PAWR: variants seen among roughly 807,000 people sequenced by gnomAD.
PAWR encodes PRKC apoptosis WT1 regulator protein.
In PAWR, 23 loss-of-function variants were observed where a neutral mutation model predicts 32.0. The ratio of observed to expected loss-of-function variants is 0.72; its 90% CI spans 0.52 to 1.02. The LOEUF (loss-of-function observed/expected upper bound fraction) is 1.02. Among genes scored for constraint, PAWR ranks in the 50% least tolerant of loss-of-function variants. PAWR has a pLI of 0.00. For missense variants in PAWR, 457 were observed against 437.7 expected (o/e 1.04, Z -0.39); for synonymous variants, 226 against 187.1 (o/e 1.21, Z -1.70).
chr12:79,689,630 G>A (rs918197952), intron 2 of PAWR, 99 bp downstream of exon 2: 3 of 1,323,310 alleles, frequency 2.3e-6, no homozygotes, highest in African/African-American at 3.0e-5. Context: ...ACGAGCCAGG[G>A]GAGGTAAACT....
chr12:79,657,766 C>T (rs1175829833), intron 2 of PAWR, among the ~76,000 whole-genome samples: 1 of 151,814 alleles, frequency 6.6e-6, no homozygotes, highest in Non-Finnish European at 1.5e-5. Context: ...TGCACCCCAG[C>T]CTGGGCCACA....
At chr12:79,669,504 C>T (rs1175214740) in intron 2 of PAWR, among the ~76,000 whole-genome samples, 2 of 151,936 alleles carry the variant, frequency 1.3e-5, no homozygotes, top group African/African-American at 4.8e-5. Flanking sequence ...AAAAAAACTC[C>T]TCTTCTAATA....
chr12:79,645,036 C>CCACACACACACACACACA lies in PAWR; in HGVS notation c.517-23847_517-23830dup, dbSNP rs60664351. On this transcript the variant is annotated intron_variant, in intron 2 of 6. Transcript: ENST00000328827. Reference sequence around the variant, plus strand: ...AAGAATCATGCTCCCTCCACCCCCACCACACACACACACACACACACACAC... The same window carrying CCACACACACACACACACA: ...AAGAATCATGCTCCCTCCACCCCCACCACACACACACACACACACACACACACACACACACACACACAC... 1.0e-3 allele frequency among the ~76,000 whole-genome samples: 120 copies of CCACACACACACACACACA among 120,000 alleles called. 1 individual carries two copies. The highest frequency in any genetic ancestry group is 8.6e-3 in the Middle Eastern group (2 of 232). The allele number at this position is 120,000 out of a possible 152,430, so 78.7% of individuals were successfully genotyped here. A position where few individuals can be genotyped will look rare whatever the true frequency, so the allele number is the denominator to read the frequency against.
chr12:79,606,110 A>G (rs1407714759), intron 4 of PAWR, among the ~76,000 whole-genome samples: 1 of 152,120 alleles, frequency 6.6e-6, no homozygotes, highest in Non-Finnish European at 1.5e-5. Flanking sequence ...CAAGAAAGCC[A>G]TATACTATAT....
chr12:79,616,499 T>C (rs191590695), intron 3 of PAWR, among the ~76,000 whole-genome samples: 191 of 152,266 alleles, frequency 1.3e-3, no homozygotes, highest in African/African-American at 4.3e-3. Context: ...ATGGTAAAAC[T>C]TAGAGTAATA....
chr12:79,647,320 T>A (rs747515615), intron 2 of PAWR, among the ~76,000 whole-genome samples: 1 of 152,224 alleles, frequency 6.6e-6, no homozygotes, highest in Non-Finnish European at 1.5e-5. Flanking sequence ...AATGTGATTC[T>A]GGAAACTTTA....
intron 3 of PAWR, 73 bp downstream of exon 3, chr12:79,621,003 A>T: frequency 9.1e-7 from 1 of 1,101,130 alleles, no homozygotes; most frequent in Admixed American, 2.2e-5. Context: ...ATTACTACAT[A>T]CAACTCAAGA....
intron 2 of PAWR, among the ~76,000 whole-genome samples, chr12:79,657,036 A>G (rs765048060): frequency 3.3e-5 from 5 of 152,204 alleles, no homozygotes; most frequent in Non-Finnish European, 5.9e-5. Flanking sequence ...TCTTACGCAC[A>G]TGAGGAAATA....
chr12:79,685,923 C>G (rs1878659855), intron 2 of PAWR, among the ~76,000 whole-genome samples: 2 of 152,122 alleles, frequency 1.3e-5, no homozygotes, highest in South Asian at 4.1e-4. Flanking sequence ...AAATATTGCT[C>G]TATCAGTTAC....
At chr12:79,632,344 TATATATATA>T (rs1875726941) in intron 2 of PAWR, among the ~76,000 whole-genome samples, 2 of 63,988 alleles carry the variant, frequency 3.1e-5, no homozygotes, top group African/African-American at 1.8e-4. Context: ...TATATATATA[TATATATATA>T]TATATATATT....
At chr12:79,607,329 A>AT (rs1180078949) in intron 4 of PAWR, among the ~76,000 whole-genome samples, 1 of 152,088 alleles carries the variant, frequency 6.6e-6, no homozygotes, top group Non-Finnish European at 1.5e-5. Context: ...AAAGGAACAG[A>AT]TTTCTTTAGA....
At chr12:79,596,815 C>G (rs1292044168) in intron 4 of PAWR, 157 bp from the exon 5 acceptor site, 1 of 518,360 alleles carries the variant, frequency 1.9e-6, no homozygotes, top group African/African-American at 2.0e-5. Flanking sequence ...ATTATTCCCA[C>G]ACAATGAAAA....
At chr12:79,678,534 G>C (rs1041245669) in intron 2 of PAWR, among the ~76,000 whole-genome samples, 5 of 152,220 alleles carry the variant, frequency 3.3e-5, no homozygotes, top group Admixed American at 6.5e-5. Context: ...TGGCCTTTGG[G>C]CAAGTCATAA....
chr12:79,596,732 G>T, intron 4 of PAWR, 74 bp from the exon 5 acceptor site: 3 of 991,140 alleles, frequency 3.0e-6, no homozygotes, highest in Non-Finnish European at 4.3e-6. Flanking sequence ...TTTCTATTGA[G>T]CTTAAAAAAA....
Position 79,589,390 on chromosome 12 carries a change from A to G in PAWR, c.*3217T>C, listed in dbSNP as rs1409325954. The G allele has an allele frequency of 6.6e-6, 1 of 152,120 alleles. No individual in the cohort carries two copies. The highest frequency in any genetic ancestry group is 1.5e-5 in the Non-Finnish European group (1 of 67,980). 9.4% of individuals were successfully genotyped at this position (152,120 alleles called of 1,614,324 possible). On this transcript the variant is annotated 3_prime_UTR_variant, in exon 7 of 7. Coordinates refer to ENST00000328827, the MANE Select transcript of PAWR (RefSeq NM_002583.4). ...ATTATAAAATCCAGATTAATCCAAAAAACACAAACCACATGTAACCGAGGT... is the reference window on the plus strand; with the variant it reads ...ATTATAAAATCCAGATTAATCCAAAGAACACAAACCACATGTAACCGAGGT...
intron 2 of PAWR, among the ~76,000 whole-genome samples, chr12:79,662,212 A>AAAAAAAAAAAAAAAAAAAT: frequency 6.6e-6 from 1 of 151,426 alleles, no homozygotes; most frequent in African/African-American, 2.4e-5. Context: ...AAAAAAAAAA[A>AAAAAAAAAAAAAAAAAAAT]AAAAAAAAAA....
intron 2 of PAWR, among the ~76,000 whole-genome samples, chr12:79,650,784 A>G (rs1876807560): frequency 6.6e-6 from 1 of 151,880 alleles, no homozygotes; most frequent in African/African-American, 2.4e-5. Context: ...TACAACCACT[A>G]ATTTGCTGAT....
At position 79,592,220 on chromosome 12, in the gene PAWR, G is replaced by A. The variant is rs533856870; in HGVS notation, c.*387C>T. The A allele has an allele frequency of 1.1e-5, 2 of 184,906 alleles. No individual in the cohort carries two copies. Among genetic ancestry groups the A allele is most frequent in the African/African-American group, 4.8e-5 (2 of 41,750 alleles). 11.5% of individuals were successfully genotyped at this position (184,906 alleles called of 1,614,324 possible). A position where few individuals can be genotyped will look rare whatever the true frequency, so the allele number is the denominator to read the frequency against. On this transcript the variant is annotated 3_prime_UTR_variant, in exon 7 of 7. Coordinates refer to ENST00000328827, the MANE Select transcript of PAWR (RefSeq NM_002583.4). ...TGCACACATCAGTAATAGGACATGT[G>A]AAGGTAACATCCCAAAAGTATTTGA...
intron 3 of PAWR, among the ~76,000 whole-genome samples, chr12:79,619,801 A>T (rs1383325639): frequency 6.6e-6 from 1 of 152,218 alleles, no homozygotes; most frequent in East Asian, 1.9e-4. Flanking sequence ...CTATTACTAA[A>T]GGGAAGGGGA....
Sources: allele counts gnomAD v4.1 joint callset (sites outside exome capture counted in the v4.1 genomes callset), GRCh38; gene constraint gnomAD v4.1.1; transcripts MANE v1.5; gene names NCBI Gene and HGNC (gene_info 2026-07-23, HGNC 2026-07-21).